RYR2: variants seen among roughly 807,000 people sequenced by gnomAD.
The protein encoded by RYR2 is ryanodine receptor 2, also known as cardiac muscle ryanodine receptor-calcium release channel.
RYR2 carries 227 observed loss-of-function variants against 601.1 expected under a neutral mutation model. The observed-to-expected ratio is 0.38, with a 90% CI of 0.34 to 0.42. RYR2 has a LOEUF of 0.42. RYR2 is among the 10% of genes least tolerant of loss of function. The pLI is 1.00. For synonymous variants in RYR2, 2,223 were observed against 2,175.1 expected (o/e 1.02, Z -0.61); for missense variants, 4,646 against 6,156.5 (o/e 0.75, Z 8.21).
intron 25 of RYR2, among the ~76,000 whole-genome samples, chr1:237,542,085 T>C (rs1313503115): frequency 6.7e-6 from 1 of 149,696 alleles, no homozygotes; most frequent in Non-Finnish European, 1.5e-5. Context: ...TTTATTTATT[T>C]ATTTATTTAT....
chr1:237,801,367 CAAAAAAAA>C (rs71162423), intron 97 of RYR2, among the ~76,000 whole-genome samples: 183 of 95,480 alleles, frequency 1.9e-3, no homozygotes, highest in African/African-American at 7.0e-3. Flanking sequence ...CCCATCTCTA[CAAAAAAAA>C]AAAAAAAAAA....
At chr1:237,318,280 G>A (rs1043897350) in intron 2 of RYR2, among the ~76,000 whole-genome samples, 1 of 151,286 alleles carries the variant, frequency 6.6e-6, no homozygotes, top group Non-Finnish European at 1.5e-5. Flanking sequence ...CTCTTTTTTT[G>A]TGACATATAC....
At chr1:237,119,863 A>G (rs1015979359) in intron 1 of RYR2, among the ~76,000 whole-genome samples, 1 of 152,152 alleles carries the variant, frequency 6.6e-6, no homozygotes, top group Admixed American at 6.5e-5. Context: ...ACTTTTCTTC[A>G]GCTTTGGTCT....
chr1:237,712,816 G>A (rs768230439), intron 71 of RYR2, among the ~76,000 whole-genome samples: 1 of 152,120 alleles, frequency 6.6e-6, no homozygotes. Flanking sequence ...CATTTTAAAG[G>A]GGCTTTATAT....
chr1:237,697,568 TTA>T (rs1011911367), intron 63 of RYR2, among the ~76,000 whole-genome samples: 19 of 147,886 alleles, frequency 1.3e-4, no homozygotes, highest in African/African-American at 4.2e-4. Flanking sequence ...TGGCCTGCTA[TTA>T]TGTTATATGC....
intron 71 of RYR2, among the ~76,000 whole-genome samples, chr1:237,712,249 A>G (rs57673314): frequency 0.18 from 27,042 of 151,882 alleles, 3,082 homozygotes; most frequent in East Asian, 0.58. Flanking sequence ...TAATTTGAAT[A>G]CTTTTCAGGG....
chr1:237,129,393 G>A lies in RYR2; in HGVS notation c.48+86824G>A, dbSNP rs1671906255. Reference sequence around the variant, plus strand: ...AGATGTTAGTGATGGCTAATAATATGATGAAGAATTACTGTCCAGGATTCG... The same window carrying A: ...AGATGTTAGTGATGGCTAATAATATAATGAAGAATTACTGTCCAGGATTCG... On this transcript the variant is annotated intron_variant, in intron 1 of 104. Coordinates refer to ENST00000366574, the MANE Select transcript of RYR2 (RefSeq NM_001035.3). 2.6e-5 allele frequency among the ~76,000 whole-genome samples: 4 copies of A among 152,302 alleles called. No individual in the cohort carries two copies. The South Asian group carries it at 8.3e-4, about 32-fold the overall frequency.
chr1:237,559,533 G>A (rs1250446529), intron 27 of RYR2, among the ~76,000 whole-genome samples: 10 of 152,098 alleles, frequency 6.6e-5, no homozygotes, highest in Non-Finnish European at 1.0e-4. Flanking sequence ...GGCATGAGAC[G>A]CTGTGCCCAG....
chr1:237,202,641 C>T (rs895123690), intron 1 of RYR2, among the ~76,000 whole-genome samples: 3 of 152,194 alleles, frequency 2.0e-5, no homozygotes, highest in Non-Finnish European at 4.4e-5. Flanking sequence ...CTCCTGGCCT[C>T]AAGTGATCAA....
At position 237,610,714 on chromosome 1, in the gene RYR2, C is replaced by A. The variant is rs1283399251; in HGVS notation, c.4684-48C>A. 1 of 1,463,636 alleles carries A rather than the reference C, an allele frequency of 6.8e-7. No homozygotes were observed. Among genetic ancestry groups the A allele is most frequent in the Non-Finnish European group, 9.3e-7 (1 of 1,074,608 alleles). 90.7% of individuals were successfully genotyped at this position (1,463,636 alleles called of 1,614,324 possible). On this transcript the variant is annotated intron_variant, in intron 35 of 104. Coordinates refer to ENST00000366574, the MANE Select transcript of RYR2 (RefSeq NM_001035.3). This position sits in a 1 kb window ranked among gnomAD's most constrained non-coding sequence, Gnocchi z 4.9. The stretch of plus-strand genomic sequence containing the variant: ...AATTCTAGTCATTACTTTGTGAACC[C>A]CAAGGGATGTTCTACATTTATTCTT...
At chr1:237,591,668 T>TTA (rs1314542731) in intron 31 of RYR2, 71 bp from the exon 32 acceptor site, 5 of 1,261,558 alleles carry the variant, frequency 4.0e-6, no homozygotes, top group Non-Finnish European at 5.7e-6. Context: ...ACTCAATTGA[T>TTA]TATATGCTCA....
intron 1 of RYR2, among the ~76,000 whole-genome samples, chr1:237,044,470 C>T (rs1349328628): frequency 6.6e-6 from 1 of 152,064 alleles, no homozygotes; most frequent in Non-Finnish European, 1.5e-5. Flanking sequence ...CAAGTAATGT[C>T]AACTCTGTGC....
At chr1:237,535,484 T>TACACATACACACACACAC (rs1553488498) in intron 25 of RYR2, among the ~76,000 whole-genome samples, 170 of 144,718 alleles carry the variant, frequency 1.2e-3, no homozygotes, top group Middle Eastern at 3.6e-3. Context: ...CAAACACACA[T>TACACATACACACACACAC]ACACACACAC....
intron 1 of RYR2, among the ~76,000 whole-genome samples, chr1:237,087,017 T>C (rs1269112951): frequency 1.3e-5 from 2 of 152,198 alleles, no homozygotes; most frequent in Non-Finnish European, 2.9e-5. Context: ...CTTTTCAGGC[T>C]GCATAGAATA....
intron 87 of RYR2, among the ~76,000 whole-genome samples, chr1:237,774,638 A>G (rs941340716): frequency 6.6e-6 from 1 of 152,176 alleles, no homozygotes; most frequent in African/African-American, 2.4e-5. Flanking sequence ...AAATCAAATA[A>G]AAGTGAAAGC....
intron 34 of RYR2, among the ~76,000 whole-genome samples, chr1:237,598,327 C>T (rs1393630320): frequency 6.6e-6 from 1 of 152,196 alleles, no homozygotes; most frequent in Non-Finnish European, 1.5e-5. Flanking sequence ...TAGACATTTA[C>T]AGAACATTCT....
At chr1:237,618,551 G>A (rs944012514) in intron 38 of RYR2, among the ~76,000 whole-genome samples, 5 of 152,090 alleles carry the variant, frequency 3.3e-5, no homozygotes, top group African/African-American at 7.2e-5. Flanking sequence ...TAAAGAAGAC[G>A]ACAACCAGGA....
intron 84 of RYR2, among the ~76,000 whole-genome samples, chr1:237,770,140 T>G (rs1573880019): frequency 6.6e-6 from 1 of 152,316 alleles, no homozygotes; most frequent in Non-Finnish European, 1.5e-5. Flanking sequence ...AAAGTCTGTC[T>G]TTTGGTTTCA....
At chr1:237,794,032 A>T in intron 95 of RYR2, 35 bp downstream of exon 95, 1 of 1,575,418 alleles carries the variant, frequency 6.3e-7, no homozygotes, top group Non-Finnish European at 8.7e-7. Flanking sequence ...TTCTGCACTC[A>T]AAAATTTCAG....
Sources: gnomAD v4.1 joint callset for allele counts (sites outside exome capture counted in the v4.1 genomes callset) on GRCh38, gnomAD v4.1.1 for gene constraint, Gnocchi (gnomAD v3.1) non-coding constraint, MANE v1.5 for transcripts, NCBI Gene and HGNC (gene_info 2026-07-23, HGNC 2026-07-21) for gene names.